Variants in GXYLT1 observed in about 807,000 individuals in gnomAD.
The protein encoded by GXYLT1 is glucoside xylosyltransferase 1.
In GXYLT1, 29 loss-of-function variants were observed where a neutral mutation model predicts 54.0. The observed-to-expected ratio is 0.54, with a 90% CI of 0.40 to 0.73. The LOEUF is 0.73. GXYLT1 is among the 30% of genes least tolerant of loss of function. GXYLT1 has a pLI of 0.00. For missense variants in GXYLT1, 490 were observed against 553.4 expected, an observed-to-expected ratio of 0.89 and a Z score of 1.15; for synonymous variants, 176 against 204.1, an observed-to-expected ratio of 0.86 and a Z score of 1.17.
chr12:42,133,009 G>C (rs867523318), intron 1 of GXYLT1, among the ~76,000 whole-genome samples: 1 of 152,086 alleles, frequency 6.6e-6, no homozygotes, highest in South Asian at 2.1e-4. Context: ...TCTGCTGCAC[G>C]CAGTGGTTCA....
chr12:42,104,685 G>GT (rs2065409390), intron 5 of GXYLT1, among the ~76,000 whole-genome samples: 1 of 152,026 alleles, frequency 6.6e-6, no homozygotes, highest in Non-Finnish European at 1.5e-5. Flanking sequence ...TATACCAAAG[G>GT]TAAGAGGAAA....
intron 2 of GXYLT1, among the ~76,000 whole-genome samples, chr12:42,124,494 AGAT>A (rs1592121076): frequency 6.6e-6 from 1 of 152,176 alleles, no homozygotes; most frequent in African/African-American, 2.4e-5. Context: ...AATATCAAAT[AGAT>A]GATATACAGA....
At chr12:42,132,470 C>T (rs1222104340) in intron 1 of GXYLT1, among the ~76,000 whole-genome samples, 3 of 152,026 alleles carry the variant, frequency 2.0e-5, no homozygotes, top group East Asian at 1.9e-4. Context: ...TATTAAGTAC[C>T]GTTTAGAAAA....
chr12:42,118,608 T>C (rs1392286549), intron 3 of GXYLT1, among the ~76,000 whole-genome samples: 1 of 152,218 alleles, frequency 6.6e-6, no homozygotes, highest in East Asian at 1.9e-4. Flanking sequence ...CACTCAAATC[T>C]CATCTCAAAT....
At chr12:42,140,427 T>C (rs2065645561) in intron 1 of GXYLT1, among the ~76,000 whole-genome samples, 1 of 151,894 alleles carries the variant, frequency 6.6e-6, no homozygotes, top group Admixed American at 6.6e-5. Context: ...AAATTTAAAT[T>C]ACCAAAATGA....
rs1288446425 is a variant in GXYLT1 at position 42,083,292 on chromosome 12, T to C, written c.*4494A>G. On this transcript the variant is annotated 3_prime_UTR_variant, in exon 8 of 8. Coordinates refer to ENST00000398675, the MANE Select transcript of GXYLT1 (RefSeq NM_173601.2). ...ATTAAGAAACAACATCAGAACAGTT[T>C]AGCCAGATTTTAATAGGCAAAAAAG... 1 of 152,212 alleles carries C rather than the reference T, an allele frequency of 6.6e-6. No homozygotes were observed. Among genetic ancestry groups the C allele is most frequent in the Non-Finnish European group, 1.5e-5 (1 of 68,028 alleles). The allele number at this position is 152,212 out of a possible 1,614,324, so 9.4% of individuals were successfully genotyped here.
chr12:42,107,509 G>A (rs752927829), intron 4 of GXYLT1, among the ~76,000 whole-genome samples: 16 of 152,106 alleles, frequency 1.1e-4, no homozygotes, highest in South Asian at 4.1e-4. Context: ...TGACCAATAC[G>A]GCAAAACGCT....
In GXYLT1 at chr12:42,118,989, CA is replaced by C; in HGVS notation, c.486+10del. ...CAACTCTACAACCTTGACTATGTCT[CA>C]AATACTTACTCTGCCTTTAAAGCTA... On this transcript the variant is annotated intron_variant, in intron 3 of 7. Transcript: ENST00000398675. The C allele has an allele frequency of 6.2e-7, 1 of 1,605,676 alleles. No homozygotes were observed. Among genetic ancestry groups the C allele is most frequent in the Non-Finnish European group, 8.5e-7 (1 of 1,173,256 alleles).
At chr12:42,127,114 C>G (rs1265374757) in intron 2 of GXYLT1, among the ~76,000 whole-genome samples, 3 of 151,980 alleles carry the variant, frequency 2.0e-5, no homozygotes, top group Non-Finnish European at 4.4e-5. Flanking sequence ...AACTAAGGGC[C>G]CCCTGGTGCC....
chr12:42,140,959 GCTTT>G (rs1432373818), intron 1 of GXYLT1, among the ~76,000 whole-genome samples: 1 of 152,162 alleles, frequency 6.6e-6, no homozygotes, highest in Non-Finnish European at 1.5e-5. Context: ...AATAACTACT[GCTTT>G]CTGTCAAACA....
rs1447575566 is a variant in GXYLT1, at chr12:42,085,399, T to C, written c.*2387A>G. ...CACGCTCTACACAAGTCCCAATCAA[T>C]TAGAGCCCATGGGGCTGAGATTCTC... On this transcript the variant is annotated 3_prime_UTR_variant, in exon 8 of 8. Transcript: ENST00000398675. 1 of 152,300 alleles carries C rather than the reference T, an allele frequency of 6.6e-6. No homozygotes were observed. The highest frequency in any genetic ancestry group is 2.4e-5 in the African/African-American group (1 of 41,488). 9.4% of individuals were successfully genotyped at this position (152,300 alleles called of 1,614,324 possible).
chr12:42,089,597 TCA>T lies in GXYLT1; in HGVS notation c.1162-1652_1162-1651del, dbSNP rs1239761193. On this transcript the variant is annotated intron_variant, in intron 7 of 7. Coordinates refer to ENST00000398675, the MANE Select transcript of GXYLT1 (RefSeq NM_173601.2). ...ACGAAGGCAAGGAGAGAGGATTTTCTCAGTTATAAATGCAGTAAGTGGTTAAG... is the reference window on the plus strand; with the variant it reads ...ACGAAGGCAAGGAGAGAGGATTTTCTGTTATAAATGCAGTAAGTGGTTAAG... Among the ~76,000 whole-genome samples, 10 of 152,296 alleles carry T rather than the reference TCA, an allele frequency of 6.6e-5. No individual in the cohort carries two copies. The East Asian group carries it at 7.7e-4, about 12-fold the overall frequency.
Position 42,112,833 on chromosome 12 carries a change from G to T in GXYLT1, c.487-3142C>A, listed in dbSNP as rs377713187. ...TCAAGAAGAGCAACTCCAAGACACA[G>T]AATTGTCAGATTCACCAAAGTTGAA... On this transcript the variant is annotated intron_variant, in intron 3 of 7. Coordinates refer to ENST00000398675, the MANE Select transcript of GXYLT1 (RefSeq NM_173601.2). Among the ~76,000 whole-genome samples the T allele has an allele frequency of 7.9e-5, 12 of 151,010 alleles. 1 individual carries two copies. Among genetic ancestry groups the T allele is most frequent in the African/African-American group, 2.0e-4 (8 of 40,348 alleles).
intron 3 of GXYLT1, among the ~76,000 whole-genome samples, chr12:42,111,319 A>C (rs1014974291): frequency 2.2e-4 from 34 of 152,244 alleles, no homozygotes; most frequent in Non-Finnish European, 7.3e-5. Flanking sequence ...CGCGAGCCGA[A>C]CCGGGGCGAG....
chr12:42,136,009 A>C (rs1232080356), intron 1 of GXYLT1, among the ~76,000 whole-genome samples: 1 of 152,238 alleles, frequency 6.6e-6, no homozygotes, highest in Non-Finnish European at 1.5e-5. Context: ...TGCACTAGTG[A>C]ATACATATGC....
At chr12:42,113,053 A>G (rs1439174381) in intron 3 of GXYLT1, among the ~76,000 whole-genome samples, 2 of 151,198 alleles carry the variant, frequency 1.3e-5, no homozygotes, top group East Asian at 3.8e-4. Flanking sequence ...TGAAGGAGAA[A>G]TAAAATACTT....
At chr12:42,100,761 A>G (rs2065385307) in intron 5 of GXYLT1, among the ~76,000 whole-genome samples, 1 of 152,152 alleles carries the variant, frequency 6.6e-6, no homozygotes, top group Admixed American at 6.5e-5. Flanking sequence ...AAATATTCTT[A>G]GGATCTGAAA....
At chr12:42,096,127 G>A (rs1032072359) in intron 7 of GXYLT1, among the ~76,000 whole-genome samples, 5 of 152,162 alleles carry the variant, frequency 3.3e-5, no homozygotes, top group Admixed American at 3.3e-4. Context: ...TGGAAGAATG[G>A]CATGGAATTA....
chr12:42,091,169 C>T (rs1180301889), intron 7 of GXYLT1, among the ~76,000 whole-genome samples: 1 of 152,082 alleles, frequency 6.6e-6, no homozygotes, highest in Admixed American at 6.6e-5. Flanking sequence ...GCAGGAGCAT[C>T]ATAAAAGACA....
Sources: allele counts gnomAD v4.1 joint callset (sites outside exome capture counted in the v4.1 genomes callset), GRCh38; gene constraint gnomAD v4.1.1; transcripts MANE v1.5; gene names NCBI Gene and HGNC (gene_info 2026-07-23, HGNC 2026-07-21).